ANKRD61: variants seen among roughly 807,000 people sequenced by gnomAD.
ANKRD61 encodes ankyrin repeat domain-containing protein 61.
In ANKRD61, 7 loss-of-function variants were observed where a neutral mutation model predicts 8.4. The observed-to-expected ratio is 0.84, with a 90% CI of 0.48 to 1.57. The LOEUF is 1.57. Among genes scored for constraint, ANKRD61 ranks in the 40% most tolerant of loss-of-function variants. ANKRD61 has a pLI of 0.00. For missense variants in ANKRD61, 516 were observed against 523.4 expected (o/e 0.99, Z 0.14); for synonymous variants, 198 against 208.0 (o/e 0.95, Z 0.41).
rs979098311 is a variant in ANKRD61 at position 6,032,865 on chromosome 7, T to C, written c.243T>C (p.His81=). ...CGACAGAGTCTATCATCCCCATCCA[T>C]CTGGCTGCCAAGTACCACAAGGCCC... is the stretch of plus-strand genomic sequence containing the variant. ...TQPTESIIPI[H]LAAKYHKAQS... is the part of the protein sequence containing the mutation. Residue 81 remains histidine (H), a synonymous_variant, in exon 2 of 3, where the codon CAT becomes CAC. Coordinates refer to ENST00000409061, the MANE Select transcript of ANKRD61 (RefSeq NM_001271700.2). This position sits in a 1 kb window ranked among gnomAD's most constrained non-coding sequence, Gnocchi z 4.3. 5.8e-6 allele frequency: 9 copies of C among 1,550,926 alleles called. No homozygotes were observed. Among genetic ancestry groups the C allele is most frequent in the Non-Finnish European group, 7.8e-6 (9 of 1,147,016 alleles).
At position 6,033,743 on chromosome 7, in the gene ANKRD61, G is replaced by A. The variant is rs1011942767; in HGVS notation, c.314+807G>A. Among the ~76,000 whole-genome samples the A allele has an allele frequency of 1.6e-4, 24 of 151,966 alleles. No homozygotes were observed. The highest frequency in any genetic ancestry group is 3.4e-3 in the Middle Eastern group (1 of 294). On this transcript the variant is annotated intron_variant, in intron 2 of 2. Coordinates refer to ENST00000409061, the MANE Select transcript of ANKRD61 (RefSeq NM_001271700.2). This position sits in a 1 kb window ranked among gnomAD's most constrained non-coding sequence, Gnocchi z 4.4. Reference sequence around the variant, plus strand: ...TGCCACCACGCCTGGCTAATTTTTTGTATTTTTAGTAGAGATGGGGTTTCA... The same window carrying A: ...TGCCACCACGCCTGGCTAATTTTTTATATTTTTAGTAGAGATGGGGTTTCA...
chr7:6,031,690 A>G (rs1787918161), intron 1 of ANKRD61, 99 bp downstream of exon 1: 2 of 1,168,970 alleles, frequency 1.7e-6, no homozygotes. Flanking sequence ...CACGGCCCTT[A>G]TGAGAATGAG....
At position 6,033,486 on chromosome 7, in the gene ANKRD61, T is replaced by A. The variant is rs901411506; in HGVS notation, c.314+550T>A. 6.6e-6 allele frequency among the ~76,000 whole-genome samples: 1 copy of A among 152,180 alleles called. No individual in the cohort carries two copies. Among genetic ancestry groups the A allele is most frequent in the Admixed American group, 6.5e-5 (1 of 15,280 alleles). On this transcript the variant is annotated intron_variant, in intron 2 of 2. Coordinates refer to ENST00000409061, the MANE Select transcript of ANKRD61 (RefSeq NM_001271700.2). This position sits in a 1 kb window ranked among gnomAD's most constrained non-coding sequence, Gnocchi z 4.4. ...CTGAGGATTAAGAGCTCAATGGTGG[T>A]GTTGTGAGGAATGCAGTAAAGTCCT...
chr7:6,031,507 CGAGGTACTCCT>C lies in ANKRD61; in HGVS notation c.136_146del (p.Val46LysfsTer52), dbSNP rs777425350. 1.5e-5 allele frequency: 24 copies of C among 1,550,552 alleles called. No homozygotes were observed. In the South Asian group the frequency reaches 2.9e-4, roughly 18 times the overall value. On this transcript the variant is annotated frameshift_variant, in exon 1 of 3. Transcript: ENST00000409061. LOFTEE classifies it high-confidence loss of function. Reference sequence around the variant, plus strand: ...TCATGAGAGAAGACTGCACTACGATCGAGGTACTCCTGAGAAATCACCCTGTCAACCAGCCC... The same window carrying C: ...TCATGAGAGAAGACTGCACTACGATCGAGAAATCACCCTGTCAACCAGCCC...
Position 6,035,313 on chromosome 7 carries a change from T to C in ANKRD61, c.315-131T>C. The C allele has an allele frequency of 1.0e-6, 1 of 956,890 alleles. No homozygotes were observed. Among genetic ancestry groups the C allele is most frequent in the South Asian group, 1.8e-5 (1 of 55,002 alleles). The allele number at this position is 956,890 out of a possible 1,614,324, so 59.3% of individuals were successfully genotyped here. On this transcript the variant is annotated intron_variant, in intron 2 of 2. Transcript: ENST00000409061. This position sits in a 1 kb window ranked among gnomAD's most constrained non-coding sequence, Gnocchi z 5.5. ...TGAGAAACTACCCAGCGATACAGAT[T>C]TTGAAACACGTCCTTAAGGTAATTG... is the stretch of plus-strand genomic sequence containing the variant.
Position 6,036,235 on chromosome 7 carries a change from A to AG in ANKRD61, c.1106_1107insG (p.Ser370IlefsTer21). On this transcript the variant is annotated frameshift_variant, in exon 3 of 3. Transcript: ENST00000409061. LOFTEE classifies it low-confidence loss of function (END_TRUNC). This position sits in a 1 kb window ranked among gnomAD's most constrained non-coding sequence, Gnocchi z 4.6. ...CTCTTAAGGGACACCCTAATAAAGCAATCGCAAAAACCTTTATCCCTACAG... is the reference window on the plus strand; with the variant it reads ...CTCTTAAGGGACACCCTAATAAAGCAGATCGCAAAAACCTTTATCCCTACAG... The AG allele has an allele frequency of 6.5e-7, 1 of 1,550,216 alleles. No individual in the cohort carries two copies. Among genetic ancestry groups the AG allele is most frequent in the Non-Finnish European group, 8.7e-7 (1 of 1,146,876 alleles).
intron 2 of ANKRD61, among the ~76,000 whole-genome samples, chr7:6,034,778 G>A (rs553306378): frequency 1.5e-4 from 23 of 152,262 alleles, no homozygotes; most frequent in Admixed American, 6.5e-5. Context: ...TTTTGAAAGC[G>A]CTTCTGAGAT....
chr7:6,033,778 C>T lies in ANKRD61; in HGVS notation c.314+842C>T, dbSNP rs1583481083. Among the ~76,000 whole-genome samples the T allele has an allele frequency of 6.6e-6, 1 of 151,738 alleles. No individual in the cohort carries two copies. ...TAGAGATGGGGTTTCACCATGTTAG[C>T]CAGGATAGTCTCAATCTCCTGACCT... On this transcript the variant is annotated intron_variant, in intron 2 of 2. Coordinates refer to ENST00000409061, the MANE Select transcript of ANKRD61 (RefSeq NM_001271700.2). The surrounding 1 kb of genome is among the most constrained non-coding windows in gnomAD (Gnocchi z 4.4).
In ANKRD61 at chr7:6,036,240, CA is replaced by C; in HGVS notation, c.1116del (p.Lys372AsnfsTer25). ...LLRDTLIKQS[Q>X]KPLSLQGICK... Reference sequence around the variant, plus strand: ...AAGGGACACCCTAATAAAGCAATCGCAAAAACCTTTATCCCTACAGGGTATC... The same window carrying C: ...AAGGGACACCCTAATAAAGCAATCGCAAAACCTTTATCCCTACAGGGTATC... On this transcript the variant is annotated frameshift_variant, in exon 3 of 3. Transcript: ENST00000409061. LOFTEE classifies it low-confidence loss of function (END_TRUNC). This position sits in a 1 kb window ranked among gnomAD's most constrained non-coding sequence, Gnocchi z 4.6. 6.5e-7 allele frequency: 1 copy of C among 1,549,340 alleles called. No homozygotes were observed. The highest frequency in any genetic ancestry group is 8.7e-7 in the Non-Finnish European group (1 of 1,146,672).
Position 6,033,543 on chromosome 7 carries a change from A to C in ANKRD61, c.314+607A>C, listed in dbSNP as rs1406107352. Among the ~76,000 whole-genome samples the C allele has an allele frequency of 6.6e-6, 1 of 152,146 alleles. No homozygotes were observed. Among genetic ancestry groups the C allele is most frequent in the African/African-American group, 2.4e-5 (1 of 41,434 alleles). ...GGCCTTCAATAAGTTTAACCACCAA[A>C]GTTAGGTGTGAAAAATAAAATATAG... On this transcript the variant is annotated intron_variant, in intron 2 of 2. Coordinates refer to ENST00000409061, the MANE Select transcript of ANKRD61 (RefSeq NM_001271700.2). The surrounding 1 kb of genome is among the most constrained non-coding windows in gnomAD (Gnocchi z 4.4).
In ANKRD61 at chr7:6,035,888, C is replaced by A. The variant is rs1167760404; in HGVS notation, c.759C>A (p.Leu253=). The A allele has an allele frequency of 6.5e-7, 1 of 1,546,810 alleles. No homozygotes were observed. The highest frequency in any genetic ancestry group is 2.0e-5 in the Admixed American group (1 of 50,788). The change falls in exon 3 of 3, where the codon CTC becomes CTA. Residue 253 remains leucine, a synonymous_variant. Coordinates refer to ENST00000409061, the MANE Select transcript of ANKRD61 (RefSeq NM_001271700.2). This position sits in a 1 kb window ranked among gnomAD's most constrained non-coding sequence, Gnocchi z 5.5. ...CTGCATCAAGCAAAGCAGGCCGACT[C>A]CTCGGGGCGGGGGTCAGCTGCATCC... ...VCTASSKAGR[L]LGAGVSCIRL... is the part of the protein sequence containing the mutation.
rs1464533398 is a variant in ANKRD61 at position 6,032,983 on chromosome 7, T to G, written c.314+47T>G. The G allele has an allele frequency of 6.7e-7, 1 of 1,493,306 alleles. No homozygotes were observed. The allele number at this position is 1,493,306 out of a possible 1,614,324, so 92.5% of individuals were successfully genotyped here. On this transcript the variant is annotated intron_variant, in intron 2 of 2. Transcript: ENST00000409061. This position sits in a 1 kb window ranked among gnomAD's most constrained non-coding sequence, Gnocchi z 4.3. Reference sequence around the variant, plus strand: ...TCATTTCTTTTTTTTTCTTTTTTGTTTTGAGGCAGGGGTCTCGCTCTGTTG... The same window carrying G: ...TCATTTCTTTTTTTTTCTTTTTTGTGTTGAGGCAGGGGTCTCGCTCTGTTG...
In ANKRD61 at chr7:6,032,235, T is replaced by C. The variant is rs1317793969; in HGVS notation, c.217-604T>C. ...AATATATACATTTTCATTTTCTAAA[T>C]TTTTATACAATGATTATTACTTTTA... On this transcript the variant is annotated intron_variant, in intron 1 of 2. Transcript: ENST00000409061. This position sits in a 1 kb window ranked among gnomAD's most constrained non-coding sequence, Gnocchi z 4.3. Among the ~76,000 whole-genome samples, 1 of 152,208 alleles carries C rather than the reference T, an allele frequency of 6.6e-6. No homozygotes were observed. The highest frequency in any genetic ancestry group is 2.4e-5 in the African/African-American group (1 of 41,450).
At position 6,033,574 on chromosome 7, in the gene ANKRD61, C is replaced by T. The variant is rs1298783471; in HGVS notation, c.314+638C>T. 6.6e-6 allele frequency among the ~76,000 whole-genome samples: 1 copy of T among 151,988 alleles called. No individual in the cohort carries two copies. Among genetic ancestry groups the T allele is most frequent in the Non-Finnish European group, 1.5e-5 (1 of 68,008 alleles). ...GTGTGAAAAATAAAATATAGGTAGA[C>T]AATGGATTTTCTTTATTTTTGGTTT... On this transcript the variant is annotated intron_variant, in intron 2 of 2. Coordinates refer to ENST00000409061, the MANE Select transcript of ANKRD61 (RefSeq NM_001271700.2). The surrounding 1 kb of genome is among the most constrained non-coding windows in gnomAD (Gnocchi z 4.4).
At chr7:6,031,619 T>C in intron 1 of ANKRD61, 28 bp downstream of exon 1, 1 of 1,547,600 alleles carries the variant, frequency 6.5e-7, no homozygotes, top group Non-Finnish European at 8.7e-7. Context: ...CAGTCACTTC[T>C]GGAAAAAAGT....
chr7:6,034,028 G>A (rs1410761875), intron 2 of ANKRD61, among the ~76,000 whole-genome samples: 1 of 151,422 alleles, frequency 6.6e-6, no homozygotes, highest in Non-Finnish European at 1.5e-5. Context: ...AAAGAATTAA[G>A]TAGTATAGGC....
Position 6,035,949 on chromosome 7 carries a change from C to G in ANKRD61, c.820C>G (p.Gln274Glu). 1 of 1,548,754 alleles carries G rather than the reference C, an allele frequency of 6.5e-7. No individual in the cohort carries two copies. Among genetic ancestry groups the G allele is most frequent in the Non-Finnish European group, 8.7e-7 (1 of 1,145,716 alleles). Residue 274 changes from glutamine to glutamate, a missense_variant, in exon 3 of 3, where the codon CAG (glutamine) becomes GAG (glutamate). Physicochemically the swap from Gln to Glu is conservative, Grantham distance 29 (BLOSUM62 2). Transcript: ENST00000409061. The surrounding 1 kb of genome is among the most constrained non-coding windows in gnomAD (Gnocchi z 5.5). ...LLTHGAKVNA[Q>E]DYKGQTAIHE... is the part of the protein sequence containing the mutation. ...CACTCACGGAGCCAAAGTCAACGCCCAGGACTACAAGGGCCAAACAGCCAT... is the reference window on the plus strand; with the variant it reads ...CACTCACGGAGCCAAAGTCAACGCCGAGGACTACAAGGGCCAAACAGCCAT...
rs749857719 is a variant in ANKRD61, at chr7:6,032,841, G to T, written c.219G>T (p.Pro73=). Residue 73 remains proline, a splice_region_variant and synonymous_variant, in exon 2 of 3, where the codon CCG becomes CCT. Transcript: ENST00000409061. This position sits in a 1 kb window ranked among gnomAD's most constrained non-coding sequence, Gnocchi z 4.3. Reference sequence around the variant, plus strand: ...TGTGTTTTGTTTTCCCTCCAAAGCCGACAGAGTCTATCATCCCCATCCATC... The same window carrying T: ...TGTGTTTTGTTTTCCCTCCAAAGCCTACAGAGTCTATCATCCCCATCCATC... ...SASNRLLLTQ[P]TESIIPIHLA... is the part of the protein sequence containing the mutation. 5 of 1,550,550 alleles carry T rather than the reference G, an allele frequency of 3.2e-6. No individual in the cohort carries two copies. The highest frequency in any genetic ancestry group is 2.4e-5 in the East Asian group (1 of 40,924).
At position 6,035,807 on chromosome 7, in the gene ANKRD61, C is replaced by A; in HGVS notation, c.678C>A (p.Asn226Lys). Residue 226 changes from asparagine to lysine, a missense_variant, in exon 3 of 3, where the codon AAC becomes AAA. Coordinates refer to ENST00000409061, the MANE Select transcript of ANKRD61 (RefSeq NM_001271700.2). This position sits in a 1 kb window ranked among gnomAD's most constrained non-coding sequence, Gnocchi z 5.5. Reference protein sequence around the residue: ...MMETLIAYGANVNCAVSSTGN... With the variant: ...MMETLIAYGAKVNCAVSSTGN... Reference sequence around the variant, plus strand: ...AAACGCTCATTGCCTATGGAGCAAACGTCAACTGTGCTGTCTCTTCCACGG... The same window carrying A: ...AAACGCTCATTGCCTATGGAGCAAAAGTCAACTGTGCTGTCTCTTCCACGG... The A allele has an allele frequency of 1.9e-6, 3 of 1,550,660 alleles. No homozygotes were observed. Among genetic ancestry groups the A allele is most frequent in the Non-Finnish European group, 1.7e-6 (2 of 1,146,820 alleles).
Sources: gnomAD v4.1 joint callset for allele counts (sites outside exome capture counted in the v4.1 genomes callset) on GRCh38, gnomAD v4.1.1 for gene constraint, Gnocchi (gnomAD v3.1) non-coding constraint, MANE v1.5 for transcripts, NCBI Gene and HGNC (gene_info 2026-07-23, HGNC 2026-07-21) for gene names.